The following VPS13C variants were observed in gnomAD, a reference collection of about 807,000 sequenced individuals.
VPS13C encodes vacuolar protein sorting 13 homolog C, also known as intermembrane lipid transfer protein VPS13C.
In VPS13C, 358 loss-of-function variants were observed where a neutral mutation model predicts 456.8. That is an observed-to-expected ratio of 0.78 (90% CI 0.72 to 0.86). The LOEUF (loss-of-function observed/expected upper bound fraction) is 0.86. VPS13C is among the 40% of genes least tolerant of loss of function. The pLI is 0.00. For missense variants in VPS13C, 4,818 were observed against 4,385.4 expected, an observed-to-expected ratio of 1.10 and a Z score of -2.79; for synonymous variants, 1,578 against 1,486.7, an observed-to-expected ratio of 1.06 and a Z score of -1.41.
chr15:62,034,182 G>A (rs1333670951), intron 4 of VPS13C, among the ~76,000 whole-genome samples: 1 of 151,540 alleles, frequency 6.6e-6, no homozygotes. Context: ...ATACCATACA[G>A]CCTTTCAAAA....
chr15:62,030,447 T>C (rs11635621), intron 5 of VPS13C, among the ~76,000 whole-genome samples: 81,317 of 151,780 alleles, frequency 0.54, 22,033 homozygotes, highest in Admixed American at 0.62. Flanking sequence ...CTGAAAGCTT[T>C]CTGAGGCCCT....
At position 61,880,630 on chromosome 15, in the gene VPS13C, A is replaced by C; in HGVS notation, c.9981T>G (p.His3327Gln). The change falls in exon 73 of 85, where the codon CAT becomes CAG. Residue 3327 changes from histidine (H) to glutamine (Q), a missense_variant. This residue lies in a region of VPS13C where 4,552 missense variants were observed against 4,130.6 expected (regional missense o/e 1.10). Coordinates refer to ENST00000644861, the MANE Select transcript of VPS13C (RefSeq NM_020821.3). ...TDMSILSFFE[H>Q]FHISPVKLHL... ...AAACCTTCACAGGAGAAATATGGAAATGTTCAAAGAAACTAAGAATTGACA... is the reference window on the plus strand; with the variant it reads ...AAACCTTCACAGGAGAAATATGGAACTGTTCAAAGAAACTAAGAATTGACA... The C allele has an allele frequency of 6.3e-7, 1 of 1,583,264 alleles. No individual in the cohort carries two copies. Among genetic ancestry groups the C allele is most frequent in the Non-Finnish European group, 8.6e-7 (1 of 1,166,184 alleles).
chr15:62,013,123 TAA>T lies in VPS13C; in HGVS notation c.745-6_745-5del, dbSNP rs745608555. Reference sequence around the variant, plus strand: ...TAAGACTATCAAGTCGTATAAGCTATAAGAGAAAAATGAAAGAGATCAGGCAA... The same window carrying T: ...TAAGACTATCAAGTCGTATAAGCTATGAGAAAAATGAAAGAGATCAGGCAA... On this transcript the variant is annotated splice_polypyrimidine_tract_variant and splice_region_variant and intron_variant, in intron 10 of 84. Coordinates refer to ENST00000644861, the MANE Select transcript of VPS13C (RefSeq NM_020821.3). The T allele has an allele frequency of 5.6e-6, 9 of 1,594,696 alleles. No individual in the cohort carries two copies. The highest frequency in any genetic ancestry group is 7.7e-6 in the Non-Finnish European group (9 of 1,170,694).
At chr15:61,994,387 G>C (rs1212650374) in intron 16 of VPS13C, among the ~76,000 whole-genome samples, 3 of 152,160 alleles carry the variant, frequency 2.0e-5, no homozygotes, top group Non-Finnish European at 4.4e-5. Flanking sequence ...ACAATCCCCA[G>C]CAGTAGCAAA....
chr15:61,947,279 A>G lies in VPS13C; in HGVS notation c.4790T>C (p.Phe1597Ser), dbSNP rs371400592. ...VSSNISQKDVFDLKITAELNA... is the reference protein window; with the variant it reads ...VSSNISQKDVSDLKITAELNA... ...TAATTCAGCTGTGATCTTTAAATCA[A>G]ACACATCCTTTTGGGAAATGTTGCT... Residue 1597 changes from phenylalanine to serine, a missense_variant, in exon 43 of 85, where the codon TTT becomes TCT. Transcript: ENST00000644861. 3.7e-6 allele frequency: 6 copies of G among 1,608,980 alleles called. No homozygotes were observed. The highest frequency in any genetic ancestry group is 1.7e-5 in the Admixed American group (1 of 58,930).
chr15:61,939,484 GA>G (rs2044342773), intron 47 of VPS13C, among the ~76,000 whole-genome samples: 4 of 152,090 alleles, frequency 2.6e-5, no homozygotes, highest in Non-Finnish European at 5.9e-5. Context: ...AACCAACTCT[GA>G]AATAATCACA....
At chr15:62,008,230 C>CA (rs1158603123) in intron 14 of VPS13C, among the ~76,000 whole-genome samples, 2 of 151,344 alleles carry the variant, frequency 1.3e-5, no homozygotes, top group Non-Finnish European at 2.9e-5. Context: ...GACTCTGTCT[C>CA]AAAAAAATAA....
intron 5 of VPS13C, among the ~76,000 whole-genome samples, chr15:62,028,831 T>C (rs2047723069): frequency 6.6e-6 from 1 of 152,114 alleles, no homozygotes; most frequent in East Asian, 1.9e-4. Context: ...TGGGCTGAAA[T>C]GACCTCATCT....
In VPS13C at chr15:61,882,614, G is replaced by A; in HGVS notation, c.9606C>T (p.Ala3202=). The change falls in exon 69 of 85, where the codon GCC becomes GCT. Residue 3202 remains alanine (A), a synonymous_variant. Transcript: ENST00000644861. The part of the protein sequence containing the change: ...KQSSHQRSLR[A]RLYWLQVDNQ... The stretch of plus-strand genomic sequence containing the variant: ...ATGTTACCTGAAGCCAGTACAACCT[G>A]GCCCTTAAACTTCTCTGGTGAGAAG... The A allele has an allele frequency of 6.4e-7, 1 of 1,564,072 alleles. No individual in the cohort carries two copies. The highest frequency in any genetic ancestry group is 8.6e-7 in the Non-Finnish European group (1 of 1,157,696).
At chr15:61,904,416 C>T (rs1354121345) in intron 66 of VPS13C, among the ~76,000 whole-genome samples, 3 of 149,302 alleles carry the variant, frequency 2.0e-5, no homozygotes, top group Non-Finnish European at 4.5e-5. Flanking sequence ...CATCACTAAA[C>T]ACCAGGGAAA....
chr15:61,932,738 AT>A (rs2044103485), intron 49 of VPS13C, among the ~76,000 whole-genome samples: 1 of 152,208 alleles, frequency 6.6e-6, no homozygotes, highest in Admixed American at 6.5e-5. Flanking sequence ...CAAGCTTTGA[AT>A]GCTTTTAACT....
At chr15:61,875,103 A>T in intron 76 of VPS13C, 152 bp from the exon 77 acceptor site, 1 of 627,208 alleles carries the variant, frequency 1.6e-6, no homozygotes, top group Non-Finnish European at 2.4e-6. Context: ...CCAAATATGG[A>T]TAGAATATCT....
intron 42 of VPS13C, 92 bp from the exon 43 acceptor site, chr15:61,947,401 A>C: frequency 2.2e-6 from 2 of 926,638 alleles, no homozygotes; most frequent in Non-Finnish European, 3.3e-6. Context: ...AAAGTACCCA[A>C]TGTACTCTGA....
Position 61,915,903 on chromosome 15 carries a change from T to A in VPS13C, c.8175A>T (p.Gly2725=). The A allele has an allele frequency of 3.1e-6, 5 of 1,613,938 alleles. No homozygotes were observed. Among genetic ancestry groups the A allele is most frequent in the Non-Finnish European group, 4.2e-6 (5 of 1,179,984 alleles). Residue 2725 remains glycine, a synonymous_variant, in exon 61 of 85, where the codon GGA becomes GGT. Coordinates refer to ENST00000644861, the MANE Select transcript of VPS13C (RefSeq NM_020821.3). ...LVKYQGKNWN[G]HFRIRDTLPE... is the part of the protein sequence containing the mutation. Reference sequence around the variant, plus strand: ...GTAGTGTATCACGTATGCGGAAATGTCCATTCCAGTTTTTGCCCTGGTATT... The same window carrying A: ...GTAGTGTATCACGTATGCGGAAATGACCATTCCAGTTTTTGCCCTGGTATT...
chr15:61,952,193 A>C (rs1180952347), intron 38 of VPS13C, among the ~76,000 whole-genome samples: 3 of 152,186 alleles, frequency 2.0e-5, no homozygotes, highest in Non-Finnish European at 4.4e-5. Context: ...ACCAACAGCC[A>C]ATTTTTACAC....
chr15:62,007,124 A>G (rs561363985), intron 15 of VPS13C, among the ~76,000 whole-genome samples, 184 bp downstream of exon 15: 3 of 152,306 alleles, frequency 2.0e-5, no homozygotes, highest in African/African-American at 7.2e-5. Flanking sequence ...GCAGGGGGAA[A>G]AAAAGTTTTT....
At chr15:62,047,927 A>G (rs17205365) in intron 1 of VPS13C, among the ~76,000 whole-genome samples, 32,620 of 152,156 alleles carry the variant, frequency 0.21, 4,036 homozygotes, top group Non-Finnish European at 0.29. Flanking sequence ...TTCCTTTTCT[A>G]CCTTAAAACA....
In VPS13C at chr15:61,854,318, A is replaced by T; in HGVS notation, c.*139T>A. 1 of 799,824 alleles carries T rather than the reference A, an allele frequency of 1.3e-6. No homozygotes were observed. Among genetic ancestry groups the T allele is most frequent in the South Asian group, 1.6e-5 (1 of 61,964 alleles). 49.5% of individuals were successfully genotyped at this position (799,824 alleles called of 1,614,324 possible). Reference sequence around the variant, plus strand: ...AAAACTAAAAGGTGAAAAAACTAGAAAACCCAATACTAGCTATTCCAGAAA... The same window carrying T: ...AAAACTAAAAGGTGAAAAAACTAGATAACCCAATACTAGCTATTCCAGAAA... On this transcript the variant is annotated 3_prime_UTR_variant, in exon 85 of 85. Transcript: ENST00000644861.
chr15:61,889,826 CCTT>C (rs1479108847), intron 67 of VPS13C, among the ~76,000 whole-genome samples: 3 of 152,080 alleles, frequency 2.0e-5, no homozygotes, highest in African/African-American at 4.8e-5. Context: ...GCATGTACAT[CCTT>C]CTTTGTACAT....
Sources: gnomAD v4.1 joint callset for allele counts (sites outside exome capture counted in the v4.1 genomes callset) on GRCh38, gnomAD v4.1.1 for gene constraint, gnomAD v4.1.1 regional missense constraint, MANE v1.5 for transcripts, NCBI Gene and HGNC (gene_info 2026-07-23, HGNC 2026-07-21) for gene names.